The following SORCS2 variants were observed in gnomAD, a reference collection of about 807,000 sequenced individuals.
The protein encoded by SORCS2 is VPS10 domain-containing receptor SorCS2.
In SORCS2, 100 loss-of-function variants were observed where a neutral mutation model predicts 141.6. That is an observed-to-expected ratio of 0.71 (90% CI 0.60 to 0.83). The LOEUF (loss-of-function observed/expected upper bound fraction) is 0.83. Ranked by LOEUF, SORCS2 falls within the 40% of genes least tolerant of loss-of-function variation. The pLI is 0.00. For synonymous variants in SORCS2, 789 were observed against 676.9 expected (o/e 1.17, Z -2.57); for missense variants, 1,646 against 1,560.2 (o/e 1.05, Z -0.93).
chr4:7,535,360 G>A (rs575428848), intron 3 of SORCS2, among the ~76,000 whole-genome samples: 2 of 152,306 alleles, frequency 1.3e-5, no homozygotes, highest in East Asian at 3.9e-4. Flanking sequence ...GTGGGGCACC[G>A]GGGAGCGGCA....
At chr4:7,429,594 G>T (rs1276349995) in intron 2 of SORCS2, among the ~76,000 whole-genome samples, 1 of 152,224 alleles carries the variant, frequency 6.6e-6, no homozygotes, top group Non-Finnish European at 1.5e-5. Context: ...GACTTGCCTA[G>T]AAAAGCCCCT....
chr4:7,460,848 C>T (rs946166381), intron 2 of SORCS2, among the ~76,000 whole-genome samples: 3 of 152,154 alleles, frequency 2.0e-5, no homozygotes, highest in South Asian at 2.1e-4. Context: ...AACTCACAGT[C>T]GCCTCCTGAA....
chr4:7,370,223 G>T (rs80321050), intron 1 of SORCS2, among the ~76,000 whole-genome samples: 1 of 152,300 alleles, frequency 6.6e-6, no homozygotes, highest in East Asian at 1.9e-4. Flanking sequence ...AGGCGCTTGG[G>T]CTCCCTGACC....
At chr4:7,625,849 T>C (rs1719484166) in intron 3 of SORCS2, among the ~76,000 whole-genome samples, 1 of 147,236 alleles carries the variant, frequency 6.8e-6, no homozygotes, top group East Asian at 1.9e-4. Flanking sequence ...GGACTGAAAG[T>C]ATTTATAGGC....
intron 2 of SORCS2, among the ~76,000 whole-genome samples, chr4:7,409,591 C>T (rs1031228234): frequency 6.6e-6 from 1 of 152,148 alleles, no homozygotes; most frequent in African/African-American, 2.4e-5. Flanking sequence ...GCCAGAGAAC[C>T]CAAGATGATG....
chr4:7,200,931 C>T (rs140102940), intron 1 of SORCS2, among the ~76,000 whole-genome samples: 443 of 152,304 alleles, frequency 2.9e-3, no homozygotes, highest in African/African-American at 9.7e-3. Flanking sequence ...GCTCAAGGCC[C>T]GGCTCGTGGT....
chr4:7,274,906 C>A (rs187851459), intron 1 of SORCS2, among the ~76,000 whole-genome samples: 6 of 152,160 alleles, frequency 3.9e-5, no homozygotes, highest in South Asian at 2.1e-4. Flanking sequence ...CTGGCTCTGA[C>A]AGCTGCAGCG....
chr4:7,601,396 G>GC (rs541722122), intron 3 of SORCS2, among the ~76,000 whole-genome samples: 75 of 151,596 alleles, frequency 4.9e-4, no homozygotes, highest in Non-Finnish European at 8.0e-4. Flanking sequence ...TTTTAAGGTT[G>GC]TTTTTCACTA....
intron 2 of SORCS2, among the ~76,000 whole-genome samples, chr4:7,527,522 G>T (rs1733771631): frequency 1.3e-5 from 2 of 152,162 alleles, no homozygotes; most frequent in South Asian, 2.1e-4. Context: ...GGAGAGACAG[G>T]GCATGGGTTC....
rs541435780 is a variant in SORCS2, at chr4:7,587,254, TG to T, written c.649-51072del. Among the ~76,000 whole-genome samples the T allele has an allele frequency of 2.7e-3, 406 of 152,282 alleles. 3 individuals carry two copies. Among genetic ancestry groups the T allele is most frequent in the Non-Finnish European group, 3.3e-3 (224 of 68,032 alleles). On this transcript the variant is annotated intron_variant, in intron 3 of 26. Coordinates refer to ENST00000507866, the MANE Select transcript of SORCS2 (RefSeq NM_020777.3). Reference sequence around the variant, plus strand: ...GAGTTGAGGGGTTTTAGGTAATATTTGGCCACTCAGATCTTGCGCTAAGCCA... The same window carrying T: ...GAGTTGAGGGGTTTTAGGTAATATTTGCCACTCAGATCTTGCGCTAAGCCA...
intron 2 of SORCS2, among the ~76,000 whole-genome samples, chr4:7,405,586 G>A (rs1246497796): frequency 6.6e-6 from 1 of 151,876 alleles, no homozygotes; most frequent in Non-Finnish European, 1.5e-5. Flanking sequence ...TTATTTGTAG[G>A]TATTTTTCTG....
intron 3 of SORCS2, among the ~76,000 whole-genome samples, chr4:7,552,745 A>G (rs993467790): frequency 2.0e-5 from 3 of 151,530 alleles, no homozygotes; most frequent in African/African-American, 7.3e-5. Context: ...TTTCCTCCCC[A>G]CCTTCCTGCC....
intron 8 of SORCS2, among the ~76,000 whole-genome samples, chr4:7,674,302 G>A (rs140956479): frequency 0.011 from 1,713 of 152,110 alleles, 17 homozygotes; most frequent in Non-Finnish European, 0.018. Flanking sequence ...ACACTCGGCC[G>A]GGCGCGGTGG....
intron 11 of SORCS2, among the ~76,000 whole-genome samples, chr4:7,695,940 G>GGATTGA (rs1560491052): frequency 1.1e-5 from 1 of 88,526 alleles, no homozygotes; most frequent in African/African-American, 4.4e-5. Context: ...GGGTGGGTGG[G>GGATTGA]TGGATGGATG....
chr4:7,357,313 C>T (rs1306281815), intron 1 of SORCS2, among the ~76,000 whole-genome samples: 8 of 152,206 alleles, frequency 5.3e-5, no homozygotes, highest in Admixed American at 2.6e-4. Context: ...ACCAGATCGA[C>T]ATGACCAGTG....
chr4:7,325,695 G>T (rs1719207478), intron 1 of SORCS2, among the ~76,000 whole-genome samples: 1 of 152,174 alleles, frequency 6.6e-6, no homozygotes, highest in Non-Finnish European at 1.5e-5. Context: ...GCTTTTCCAG[G>T]CCTGGCCCTT....
chr4:7,674,877 C>T (rs1283719442), intron 8 of SORCS2, among the ~76,000 whole-genome samples: 1 of 152,070 alleles, frequency 6.6e-6, no homozygotes. Flanking sequence ...CATCCCCAAG[C>T]ATCCCAGCCA....
intron 1 of SORCS2, among the ~76,000 whole-genome samples, chr4:7,388,543 AT>A (rs1461943819): frequency 6.6e-6 from 1 of 152,068 alleles, no homozygotes; most frequent in African/African-American, 2.4e-5. Context: ...CCCTCCTGTT[AT>A]CCCTCCCCGC....
chr4:7,665,306 T>G (rs1312428428), intron 7 of SORCS2, among the ~76,000 whole-genome samples: 2 of 152,180 alleles, frequency 1.3e-5, no homozygotes, highest in Non-Finnish European at 2.9e-5. Flanking sequence ...GGGCAGGCAG[T>G]GGGCATCCCA....
Sources: allele counts gnomAD v4.1 joint callset (sites outside exome capture counted in the v4.1 genomes callset), GRCh38; gene constraint gnomAD v4.1.1; transcripts MANE v1.5; gene names NCBI Gene and HGNC (gene_info 2026-07-23, HGNC 2026-07-21).